SLC16A7: variants seen among roughly 807,000 people sequenced by gnomAD.
SLC16A7 encodes monocarboxylate transporter 2.
A neutral mutation model predicts 34.9 loss-of-function variants in SLC16A7; 33 were observed. That is an observed-to-expected ratio of 0.94 (90% confidence interval 0.72 to 1.26). SLC16A7 has a LOEUF of 1.26. Among genes scored for constraint, SLC16A7 ranks in the 50% most tolerant of loss-of-function variants. SLC16A7 has a pLI of 0.00. For synonymous variants in SLC16A7, 201 were observed against 206.6 expected (o/e 0.97, Z 0.23); for missense variants, 573 against 578.1 (o/e 0.99, Z 0.09).
intron 3 of SLC16A7, among the ~76,000 whole-genome samples, chr12:59,737,065 G>A (rs910185764): frequency 4.6e-5 from 7 of 152,294 alleles, no homozygotes; most frequent in East Asian, 1.9e-4. Flanking sequence ...CACAGACACC[G>A]GCTCTCAAGA....
rs1013075966 is a variant in SLC16A7, at chr12:59,789,283, G to A, written c.*9604G>A. ...TGAATGTATATTACAGTAATTCTCT[G>A]GCTAATTTTAAAAGTAAGACATAGA... is the stretch of plus-strand genomic sequence containing the variant. On this transcript the variant is annotated 3_prime_UTR_variant, in exon 6 of 6. Coordinates refer to ENST00000547379, the MANE Select transcript of SLC16A7 (RefSeq NM_001270623.2). 1 of 151,974 alleles carries A rather than the reference G, an allele frequency of 6.6e-6. No homozygotes were observed. The highest frequency in any genetic ancestry group is 6.6e-5 in the Admixed American group (1 of 15,252). The allele number at this position is 151,974 out of a possible 1,614,324, so 9.4% of individuals were successfully genotyped here.
At chr12:59,733,676 G>T (rs1407483576) in intron 3 of SLC16A7, 4 of 455,410 alleles carry the variant, frequency 8.8e-6, no homozygotes, top group Non-Finnish European at 1.8e-5. Context: ...GAGTGTTTCA[G>T]CCCTGGTTAT....
chr12:59,638,192 G>A (rs1490660095), intron 1 of SLC16A7, among the ~76,000 whole-genome samples: 1 of 152,092 alleles, frequency 6.6e-6, no homozygotes, highest in Non-Finnish European at 1.5e-5. Flanking sequence ...GGAAAACCCA[G>A]CAAAACCTGT....
chr12:59,680,241 A>C (rs17122838), intron 2 of SLC16A7, among the ~76,000 whole-genome samples: 2 of 152,172 alleles, frequency 1.3e-5, no homozygotes, highest in Non-Finnish European at 2.9e-5. Context: ...GAAACAGGGC[A>C]TCAGTGAGGT....
rs368475464 is a variant in SLC16A7 at position 59,771,207 on chromosome 12, T to G, written c.218-12T>G. 57 of 1,604,568 alleles carry G rather than the reference T, an allele frequency of 3.6e-5. No individual in the cohort carries two copies. Among genetic ancestry groups the G allele is most frequent in the Non-Finnish European group, 4.8e-5 (57 of 1,176,468 alleles). On this transcript the variant is annotated splice_polypyrimidine_tract_variant and intron_variant, in intron 3 of 5. Coordinates refer to ENST00000547379, the MANE Select transcript of SLC16A7 (RefSeq NM_001270623.2). ...AGCAACTGAGTATTTCTTTATCTCC[T>G]CTCTGCTGTAGGTCCTGTAAGTAGT... is the stretch of plus-strand genomic sequence containing the variant.
intron 1 of SLC16A7, among the ~76,000 whole-genome samples, chr12:59,640,675 C>A: frequency 6.6e-6 from 1 of 151,798 alleles, no homozygotes. Context: ...TCCTTTTTTA[C>A]CATTTGATTG....
intron 2 of SLC16A7, among the ~76,000 whole-genome samples, chr12:59,686,010 G>A (rs1871129305): frequency 1.3e-5 from 2 of 151,412 alleles, no homozygotes. Flanking sequence ...GCCTTTGGGA[G>A]CCTCTAGTAT....
rs1049946016 is a variant in SLC16A7 at position 59,754,581 on chromosome 12, C to A, written c.218-16638C>A. ...GGAAGAAGTTGAGTCTCTGAATAGA[C>A]CAATAACAGGCTCTGAAATTGTGGC... On this transcript the variant is annotated intron_variant, in intron 3 of 5. Transcript: ENST00000547379. Among the ~76,000 whole-genome samples, 128 of 152,242 alleles carry A rather than the reference C, an allele frequency of 8.4e-4. 1 individual carries two copies. The highest frequency in any genetic ancestry group is 2.8e-3 in the African/African-American group (117 of 41,530).
chr12:59,767,301 A>T (rs150772861), intron 3 of SLC16A7, among the ~76,000 whole-genome samples: 3 of 152,132 alleles, frequency 2.0e-5, no homozygotes, highest in Non-Finnish European at 2.9e-5. Context: ...CTGAAGATCT[A>T]GCTAAGATCA....
intron 2 of SLC16A7, among the ~76,000 whole-genome samples, chr12:59,665,449 T>A (rs1177196253): frequency 6.6e-6 from 1 of 151,910 alleles, no homozygotes; most frequent in Admixed American, 6.6e-5. Context: ...TGAAAAAAAA[T>A]AGTAAAAATT....
At chr12:59,701,145 T>A (rs988423681) in intron 2 of SLC16A7, among the ~76,000 whole-genome samples, 8 of 151,958 alleles carry the variant, frequency 5.3e-5, no homozygotes, top group Non-Finnish European at 8.9e-5. Flanking sequence ...ATTTTATGTA[T>A]AATTTTAAGA....
At chr12:59,678,149 G>A (rs762798005) in intron 2 of SLC16A7, among the ~76,000 whole-genome samples, 4 of 152,272 alleles carry the variant, frequency 2.6e-5, no homozygotes, top group Non-Finnish European at 5.9e-5. Context: ...CCTAGGTCTG[G>A]GCTCCCTGAA....
intron 3 of SLC16A7, chr12:59,768,097 A>T (rs1284946278): frequency 2.2e-6 from 1 of 448,922 alleles, no homozygotes; most frequent in Non-Finnish European, 4.5e-6. Flanking sequence ...CATAATAAAA[A>T]AATTTAAATA....
intron 3 of SLC16A7, chr12:59,768,072 C>T: frequency 2.3e-6 from 1 of 438,326 alleles, no homozygotes; most frequent in Non-Finnish European, 4.6e-6. Context: ...TGCACATGTA[C>T]CCTAGAACTT....
intron 1 of SLC16A7, among the ~76,000 whole-genome samples, chr12:59,654,395 A>G (rs1362564350): frequency 6.6e-6 from 1 of 151,752 alleles, no homozygotes; most frequent in Non-Finnish European, 1.5e-5. Context: ...AATGTTAACT[A>G]GCTTAATTCA....
chr12:59,637,574 A>G (rs945405779), intron 1 of SLC16A7, among the ~76,000 whole-genome samples: 9 of 152,090 alleles, frequency 5.9e-5, no homozygotes, highest in Non-Finnish European at 1.3e-4. Flanking sequence ...TCCTATAGCA[A>G]AAGACAGGTT....
intron 3 of SLC16A7, among the ~76,000 whole-genome samples, chr12:59,727,169 TAA>T (rs1565676361): frequency 7.6e-6 from 1 of 131,764 alleles, no homozygotes; most frequent in Non-Finnish European, 1.6e-5. Flanking sequence ...TATATATATA[TAA>T]TATATATATG....
intron 2 of SLC16A7, among the ~76,000 whole-genome samples, chr12:59,659,893 T>C (rs1360951693): frequency 1.3e-5 from 2 of 152,112 alleles, no homozygotes; most frequent in Non-Finnish European, 2.9e-5. Flanking sequence ...GATCGAAGTG[T>C]TATTTTAACA....
intron 2 of SLC16A7, among the ~76,000 whole-genome samples, chr12:59,687,032 T>C (rs1313370369): frequency 6.6e-6 from 1 of 151,998 alleles, no homozygotes; most frequent in Admixed American, 6.6e-5. Context: ...CAAAACATTT[T>C]ACATCATAAA....
Sources: gnomAD v4.1 joint callset for allele counts (sites outside exome capture counted in the v4.1 genomes callset) on GRCh38, gnomAD v4.1.1 for gene constraint, MANE v1.5 for transcripts, NCBI Gene and HGNC (gene_info 2026-07-23, HGNC 2026-07-21) for gene names.